The following HPSE variants were observed in gnomAD, a reference collection of about 807,000 sequenced individuals.
The protein encoded by HPSE is heparanase, also known as endo-glucoronidase.
Under a neutral mutation model 65.1 loss-of-function variants are expected in HPSE, and 48 were observed. The observed-to-expected ratio is 0.74, with a 90% CI of 0.58 to 0.94. The LOEUF is 0.94. Among genes scored for constraint, HPSE ranks in the 40% least tolerant of loss-of-function variants. The probability of loss-of-function intolerance (pLI) is 0.00; values close to 1 mark genes in which losing one functional copy is unlikely to be tolerated. For missense variants in HPSE, 644 were observed against 637.5 expected, an observed-to-expected ratio of 1.01 and a Z score of -0.11; for synonymous variants, 243 against 260.0, an observed-to-expected ratio of 0.93 and a Z score of 0.63.
intron 1 of HPSE, among the ~76,000 whole-genome samples, chr4:83,325,308 C>T (rs113082138): frequency 1.4e-3 from 216 of 151,826 alleles, no homozygotes; most frequent in African/African-American, 4.4e-3. Context: ...TGGGACTATA[C>T]GCACCCACCA....
intron 2 of HPSE, among the ~76,000 whole-genome samples, chr4:83,319,793 G>T (rs988936933): frequency 6.6e-6 from 1 of 152,084 alleles, no homozygotes; most frequent in South Asian, 2.1e-4. Context: ...GGGTGCAGTG[G>T]CTCACACCTG....
At chr4:83,327,407 C>T (rs932189465) in intron 1 of HPSE, among the ~76,000 whole-genome samples, 1 of 152,086 alleles carries the variant, frequency 6.6e-6, no homozygotes, top group Non-Finnish European at 1.5e-5. Flanking sequence ...TATTGACGCC[C>T]TCTGACAAAA....
At chr4:83,328,826 A>G (rs1737250256) in intron 1 of HPSE, among the ~76,000 whole-genome samples, 1 of 152,062 alleles carries the variant, frequency 6.6e-6, no homozygotes, top group Non-Finnish European at 1.5e-5. Flanking sequence ...AGGAGAGGGA[A>G]GAGGTGACTG....
chr4:83,322,533 T>C (rs7696355), intron 1 of HPSE, among the ~76,000 whole-genome samples, 169 bp from the exon 2 acceptor site: 150,907 of 152,240 alleles, frequency 0.99, 74,815 homozygotes, highest in Middle Eastern at 1. Flanking sequence ...TGCTCTGTTT[T>C]CCAGGCTGGA....
At chr4:83,301,460 C>T (rs1408512132) in intron 10 of HPSE, among the ~76,000 whole-genome samples, 3 of 152,184 alleles carry the variant, frequency 2.0e-5, no homozygotes, top group African/African-American at 2.4e-5. Context: ...TTTGTGGGTT[C>T]ATGTGAATTC....
At chr4:83,333,178 G>A (rs748273277) in intron 1 of HPSE, among the ~76,000 whole-genome samples, 11 of 152,200 alleles carry the variant, frequency 7.2e-5, no homozygotes, top group Non-Finnish European at 1.6e-4. Context: ...TGCTCACCAT[G>A]TCCTAGAAAG....
upstream of HPSE, chr4:83,335,009 T>G: frequency 1.7e-6 from 1 of 597,512 alleles, no homozygotes; most frequent in Non-Finnish European, 2.7e-6. Context: ...TCCTACTTCC[T>G]TGCTCGCTTT....
intron 10 of HPSE, among the ~76,000 whole-genome samples, chr4:83,301,821 C>T (rs1243831478): frequency 2.6e-5 from 4 of 152,152 alleles, no homozygotes; most frequent in Admixed American, 2.6e-4. Flanking sequence ...ACTGCGGTCA[C>T]AACTTTTGAA....
At chr4:83,325,435 G>A (rs1247535967) in intron 1 of HPSE, among the ~76,000 whole-genome samples, 1 of 152,116 alleles carries the variant, frequency 6.6e-6, no homozygotes, top group African/African-American at 2.4e-5. Flanking sequence ...CAAAGTGCTG[G>A]GATTACAGGC....
rs117003053 is a variant in HPSE, at chr4:83,319,231, A to G, written c.499+113T>C. On this transcript the variant is annotated intron_variant, in intron 3 of 11. Transcript: ENST00000311412. ...GGATTTCCCATTTGGGAAATGCTTCAGTATTTTCAGCTTTATACAACTTCC... is the reference window on the plus strand; with the variant it reads ...GGATTTCCCATTTGGGAAATGCTTCGGTATTTTCAGCTTTATACAACTTCC... 250 of 1,034,618 alleles carry G rather than the reference A, an allele frequency of 2.4e-4. 3 individuals are homozygous for G. In the East Asian group the frequency reaches 3.0e-3, roughly 12 times the overall value. The allele number at this position is 1,034,618 out of a possible 1,614,324, so 64.1% of individuals were successfully genotyped here.
rs1028400731 is a variant in HPSE, at chr4:83,294,080, T to C, written c.*1264A>G. ...ATTCATATACATTTTTAATAACTTG[T>C]TTTTTTGAGATGGAATCTCTCTCTG... On this transcript the variant is annotated 3_prime_UTR_variant, in exon 12 of 12. Coordinates refer to ENST00000311412, the MANE Select transcript of HPSE (RefSeq NM_001098540.3). 3 of 152,204 alleles carry C rather than the reference T, an allele frequency of 2.0e-5. No individual in the cohort carries two copies. Among genetic ancestry groups the C allele is most frequent in the African/African-American group, 4.8e-5 (2 of 41,442 alleles). The allele number at this position is 152,204 out of a possible 1,614,324, so 9.4% of individuals were successfully genotyped here. A position where few individuals can be genotyped will look rare whatever the true frequency, so the allele number is the denominator to read the frequency against.
rs757562812 is a variant in HPSE, at chr4:83,299,363, C to CA, written c.1472+1596dup. Among the ~76,000 whole-genome samples the CA allele has an allele frequency of 2.3e-3, 211 of 90,974 alleles. 3 individuals are homozygous for CA. The highest frequency in any genetic ancestry group is 8.1e-3 in the African/African-American group (188 of 23,182). 59.7% of individuals were successfully genotyped at this position (90,974 alleles called of 152,430 possible). A position where few individuals can be genotyped will look rare whatever the true frequency, so the allele number is the denominator to read the frequency against. Reference sequence around the variant, plus strand: ...TGGACAACAGAGTGAGACTCTGTCTCAAAAAAAAAAAAAAAAAAAAAAAAA... The same window carrying CA: ...TGGACAACAGAGTGAGACTCTGTCTCAAAAAAAAAAAAAAAAAAAAAAAAAA... On this transcript the variant is annotated intron_variant, in intron 11 of 11. Coordinates refer to ENST00000311412, the MANE Select transcript of HPSE (RefSeq NM_001098540.3).
chr4:83,317,535 G>A (rs1736700776), intron 3 of HPSE, among the ~76,000 whole-genome samples: 1 of 152,146 alleles, frequency 6.6e-6, no homozygotes, highest in African/African-American at 2.4e-5. Flanking sequence ...AGGGTGGCTG[G>A]ACTTACACTA....
intron 8 of HPSE, 49 bp downstream of exon 8, chr4:83,308,796 T>G: frequency 7.3e-7 from 1 of 1,366,070 alleles, no homozygotes; most frequent in Non-Finnish European, 1.0e-6. Flanking sequence ...AATAGAAGGA[T>G]GGAGAAGAGC....
At chr4:83,324,046 A>G (rs1737030717) in intron 1 of HPSE, among the ~76,000 whole-genome samples, 1 of 151,170 alleles carries the variant, frequency 6.6e-6, no homozygotes, top group Non-Finnish European at 1.5e-5. Flanking sequence ...TAGTTTGTCT[A>G]CATGTAGGTT....
chr4:83,331,761 T>A (rs575754080), intron 1 of HPSE, among the ~76,000 whole-genome samples: 2 of 152,218 alleles, frequency 1.3e-5, no homozygotes, highest in Admixed American at 1.3e-4. Context: ...TGGGCCCTGA[T>A]ACTGTTACTC....
In HPSE at chr4:83,318,967, G is replaced by A. The variant is rs117993579; in HGVS notation, c.499+377C>T. Reference sequence around the variant, plus strand: ...CCAAGGCATACTGGGGGTTATTTCTGGGAGGGGGACGGACCTCAAGGTATG... The same window carrying A: ...CCAAGGCATACTGGGGGTTATTTCTAGGAGGGGGACGGACCTCAAGGTATG... On this transcript the variant is annotated intron_variant, in intron 3 of 11. Transcript: ENST00000311412. 3.8e-4 allele frequency among the ~76,000 whole-genome samples: 58 copies of A among 152,204 alleles called. 1 individual carries two copies. The East Asian group carries it at 8.3e-3, about 22-fold the overall frequency.
intron 1 of HPSE, among the ~76,000 whole-genome samples, chr4:83,332,012 A>G (rs975591015): frequency 6.6e-6 from 1 of 152,222 alleles, no homozygotes; most frequent in Non-Finnish European, 1.5e-5. Flanking sequence ...ACAGTGTTGT[A>G]GCCAAGACTA....
intron 2 of HPSE, among the ~76,000 whole-genome samples, chr4:83,320,910 T>A (rs1195659055): frequency 1.3e-5 from 2 of 149,328 alleles, no homozygotes; most frequent in African/African-American, 4.9e-5. Flanking sequence ...CAAGTCTAAA[T>A]AGAAACTAGG....
Sources: allele counts gnomAD v4.1 joint callset (sites outside exome capture counted in the v4.1 genomes callset), GRCh38; gene constraint gnomAD v4.1.1; transcripts MANE v1.5; gene names NCBI Gene and HGNC (gene_info 2026-07-23, HGNC 2026-07-21).